Variants in SLC24A2 observed in about 807,000 individuals in gnomAD.
SLC24A2 encodes solute carrier family 24 member 2, also known as sodium/potassium/calcium exchanger 2.
SLC24A2 carries 36 observed loss-of-function variants against 62.0 expected under a neutral mutation model. The ratio of observed to expected loss-of-function variants is 0.58; its 90% CI spans 0.44 to 0.77. SLC24A2 has a LOEUF of 0.77. SLC24A2 is among the 30% of genes least tolerant of loss of function. SLC24A2 has a pLI of 0.00. For synonymous variants in SLC24A2, 358 were observed against 294.0 expected, an observed-to-expected ratio of 1.22 and a Z score of -2.23; for missense variants, 846 against 817.9, an observed-to-expected ratio of 1.03 and a Z score of -0.42.
At chr9:20,117,340 T>C in the SLC24A2 span, among the ~76,000 whole-genome samples, 1 of 152,178 alleles carries the variant, frequency 6.6e-6, no homozygotes, top group African/African-American at 2.4e-5. Flanking sequence ...GTATCTCTGA[T>C]ATCAGGCTAC....
the SLC24A2 span, among the ~76,000 whole-genome samples, chr9:20,240,622 T>C: frequency 6.6e-6 from 1 of 152,190 alleles, no homozygotes; most frequent in African/African-American, 2.4e-5. Context: ...AGATTGGCAC[T>C]CAGGTTCCTT....
chr9:20,044,116 C>CT, the SLC24A2 span, among the ~76,000 whole-genome samples: 37,630 of 149,574 alleles, frequency 0.25, 4,866 homozygotes, highest in Middle Eastern at 0.35. Context: ...ATCACTAGCA[C>CT]TTTTTTTTTT....
At chr9:19,944,608 G>A in the SLC24A2 span, among the ~76,000 whole-genome samples, 1 of 152,226 alleles carries the variant, frequency 6.6e-6, no homozygotes, top group East Asian at 1.9e-4. Context: ...AGACGTAAAC[G>A]CCATTTTCCA....
the SLC24A2 span, among the ~76,000 whole-genome samples, chr9:20,140,556 A>G: frequency 6.6e-6 from 1 of 152,196 alleles, no homozygotes; most frequent in Non-Finnish European, 1.5e-5. Flanking sequence ...AAAAAGAAAA[A>G]TAAGACCCCC....
chr9:19,546,824 G>A (rs1338431360), intron 8 of SLC24A2, among the ~76,000 whole-genome samples: 1 of 152,198 alleles, frequency 6.6e-6, no homozygotes, highest in Non-Finnish European at 1.5e-5. Flanking sequence ...CAGGACACTG[G>A]AGGGTATCTT....
chr9:19,634,683 A>T (rs186226440), intron 2 of SLC24A2, among the ~76,000 whole-genome samples: 8 of 152,184 alleles, frequency 5.3e-5, no homozygotes, highest in African/African-American at 1.9e-4. Context: ...TTCACCCTCT[A>T]TGTGGGACAG....
the SLC24A2 span, among the ~76,000 whole-genome samples, chr9:20,050,989 A>G: frequency 2.0e-5 from 3 of 152,210 alleles, no homozygotes; most frequent in Non-Finnish European, 4.4e-5. Context: ...TACGTAAAAG[A>G]GGAAACATTA....
chr9:20,165,287 T>C, the SLC24A2 span, among the ~76,000 whole-genome samples: 1 of 151,922 alleles, frequency 6.6e-6, no homozygotes. Flanking sequence ...AATTTTTTTT[T>C]CCTGCAAACT....
At chr9:20,229,660 C>G in the SLC24A2 span, among the ~76,000 whole-genome samples, 1 of 152,112 alleles carries the variant, frequency 6.6e-6, no homozygotes, top group South Asian at 2.1e-4. Context: ...TATACTATTA[C>G]TTTTGCATCA....
chr9:20,269,046 T>G, the SLC24A2 span, among the ~76,000 whole-genome samples: 2 of 152,216 alleles, frequency 1.3e-5, no homozygotes, highest in African/African-American at 2.4e-5. Flanking sequence ...CAGTTAAGGA[T>G]GCAATATTTC....
intron 8 of SLC24A2, among the ~76,000 whole-genome samples, chr9:19,548,528 A>T (rs942592609): frequency 1.3e-5 from 2 of 152,218 alleles, no homozygotes; most frequent in Non-Finnish European, 1.5e-5. Flanking sequence ...AGGGTTGGGA[A>T]GGACTTTTAG....
chr9:19,548,673 C>T (rs959728045), intron 8 of SLC24A2, among the ~76,000 whole-genome samples: 29 of 152,272 alleles, frequency 1.9e-4, no homozygotes, highest in Non-Finnish European at 3.7e-4. Flanking sequence ...TTGGTTATGA[C>T]GACTGCCCTG....
the SLC24A2 span, among the ~76,000 whole-genome samples, chr9:19,883,969 TC>T: frequency 3.3e-5 from 5 of 152,326 alleles, no homozygotes; most frequent in South Asian, 1.0e-3. Context: ...TCATCTCAGG[TC>T]TCAGTCTTTG....
At chr9:20,168,255 T>G in the SLC24A2 span, among the ~76,000 whole-genome samples, 1 of 151,992 alleles carries the variant, frequency 6.6e-6, no homozygotes, top group Admixed American at 6.6e-5. Context: ...AGAGTATAAT[T>G]GGACATCTCT....
chr9:19,759,595 A>G (rs760209055), intron 2 of SLC24A2, among the ~76,000 whole-genome samples: 1 of 152,226 alleles, frequency 6.6e-6, no homozygotes, highest in Non-Finnish European at 1.5e-5. Context: ...CAGATTACTT[A>G]AAATTAATTG....
chr9:19,786,849 G>A lies in SLC24A2; in HGVS notation c.18C>T (p.Ser6=), dbSNP rs1413041777. 2 of 1,610,800 alleles carry A rather than the reference G, an allele frequency of 1.2e-6. No individual in the cohort carries two copies. Among genetic ancestry groups the A allele is most frequent in the Non-Finnish European group, 1.7e-6 (2 of 1,179,920 alleles). ...ATTTCTCTAGGGAAGTGATGGTGGT[G>A]CTTTGTTGCAGATCCATCCTGGGTC... The part of the protein sequence containing the change: MDLQQ[S]TTITSLEKWC... Residue 6 remains serine (S), a synonymous_variant, in exon 2 of 11, where the codon AGC becomes AGT. Transcript: ENST00000341998. The surrounding 1 kb of genome is among the most constrained non-coding windows in gnomAD (Gnocchi z 5.0).
the SLC24A2 span, among the ~76,000 whole-genome samples, chr9:20,187,085 C>G: frequency 7.2e-5 from 11 of 152,274 alleles, no homozygotes; most frequent in African/African-American, 2.6e-4. Context: ...GTCTCATGAG[C>G]CAGCAGAGCT....
chr9:20,041,113 G>A, the SLC24A2 span, among the ~76,000 whole-genome samples: 2 of 152,244 alleles, frequency 1.3e-5, no homozygotes, highest in South Asian at 4.1e-4. Context: ...TTGCATATGA[G>A]AATGAGGAGA....
At chr9:19,543,317 C>A (rs533326216) in intron 8 of SLC24A2, among the ~76,000 whole-genome samples, 2 of 151,482 alleles carry the variant, frequency 1.3e-5, no homozygotes, top group South Asian at 4.2e-4. Context: ...ATTCTTCTCT[C>A]TTTTCTTTAT....
Sources: allele counts gnomAD v4.1 joint callset (sites outside exome capture counted in the v4.1 genomes callset), GRCh38; gene constraint gnomAD v4.1.1; non-coding constraint Gnocchi (gnomAD v3.1); transcripts MANE v1.5; gene names NCBI Gene and HGNC (gene_info 2026-07-23, HGNC 2026-07-21).